NCALD: variants seen among roughly 807,000 people sequenced by gnomAD.
NCALD encodes the protein neurocalcin-delta.
A neutral mutation model predicts 18.6 loss-of-function variants in NCALD; 10 were observed. The observed-to-expected ratio is 0.54, with a 90% CI of 0.33 to 0.91. The LOEUF (loss-of-function observed/expected upper bound fraction) is 0.91. Ranked by LOEUF, NCALD falls within the 40% of genes least tolerant of loss-of-function variation. The pLI is 0.03. For missense variants in NCALD, 184 were observed against 247.6 expected (o/e 0.74, Z 1.72); for synonymous variants, 88 against 87.4 (o/e 1.01, Z -0.04).
In NCALD at chr8:102,014,424, T is replaced by A. The variant is rs562090322; in HGVS notation, c.-157+5813A>T. Among the ~76,000 whole-genome samples the A allele has an allele frequency of 3.9e-5, 6 of 152,232 alleles. No homozygotes were observed. In the South Asian group the frequency reaches 1.0e-3, roughly 26 times the overall value. On this transcript the variant is annotated intron_variant, in intron 2 of 6. Coordinates refer to the NCALD transcript ENST00000311028. Reference sequence around the variant, plus strand: ...GCTCTCCCTCTTAAAACCATCTCTTTGGGGGTTGGGTTTCAACATATGAAT... The same window carrying A: ...GCTCTCCCTCTTAAAACCATCTCTTAGGGGGTTGGGTTTCAACATATGAAT...
intron 1 of NCALD, among the ~76,000 whole-genome samples, chr8:101,752,918 C>T (rs1423023285): frequency 2.0e-5 from 3 of 148,744 alleles, no homozygotes; most frequent in Non-Finnish European, 2.9e-5. Flanking sequence ...AAATATTTTA[C>T]GATCCTCTTT....
intron 2 of NCALD, among the ~76,000 whole-genome samples, chr8:101,980,716 C>A (rs947931161): frequency 6.6e-6 from 1 of 152,146 alleles, no homozygotes; most frequent in African/African-American, 2.4e-5. Flanking sequence ...CACCTGAAGA[C>A]TAAACAAAAG....
chr8:101,730,880 T>C (rs1012659767), intron 1 of NCALD, among the ~76,000 whole-genome samples: 1 of 152,194 alleles, frequency 6.6e-6, no homozygotes, highest in Non-Finnish European at 1.5e-5. Flanking sequence ...CCTGTTTTAA[T>C]GGTGCTTATG....
intron 4 of NCALD, among the ~76,000 whole-genome samples, chr8:101,828,927 A>G (rs1358420699): frequency 1.9e-5 from 2 of 104,010 alleles, no homozygotes; most frequent in East Asian, 3.1e-4. Context: ...ATGGGTGGGT[A>G]GGTGGGTGGG....
chr8:101,713,496 T>A (rs1411265348), intron 2 of NCALD, among the ~76,000 whole-genome samples: 1 of 151,438 alleles, frequency 6.6e-6, no homozygotes, highest in East Asian at 1.9e-4. Context: ...AGGAACTGTT[T>A]TTTTTTGAAA....
intron 3 of NCALD, among the ~76,000 whole-genome samples, chr8:101,901,793 C>T (rs199822935): frequency 7.0e-6 from 1 of 142,838 alleles, no homozygotes; most frequent in Non-Finnish European, 1.5e-5. Context: ...TTACTCTTTT[C>T]TCTTCTTTTT....
At chr8:101,692,664 C>T in intron 3 of NCALD, 127 bp downstream of exon 3, 2 of 1,380,066 alleles carry the variant, frequency 1.4e-6, no homozygotes, top group Non-Finnish European at 1.9e-6. Flanking sequence ...CCCCTCCTAC[C>T]CACCCAGGAG....
intron 1 of NCALD, among the ~76,000 whole-genome samples, chr8:101,760,056 T>C (rs988637595): frequency 2.0e-5 from 3 of 152,152 alleles, no homozygotes; most frequent in East Asian, 1.9e-4. Context: ...AGGTTATGGC[T>C]CCAGTCCCAT....
intron 1 of NCALD, among the ~76,000 whole-genome samples, chr8:101,725,117 C>T (rs1399196314): frequency 6.6e-6 from 1 of 152,114 alleles, no homozygotes. Flanking sequence ...AAAGGCCCCA[C>T]CCTCAAGCCT....
intron 1 of NCALD, among the ~76,000 whole-genome samples, chr8:102,056,257 T>G (rs541075092): frequency 7.9e-5 from 12 of 152,302 alleles, no homozygotes; most frequent in Non-Finnish European, 1.2e-4. Flanking sequence ...TGTTTTTGCT[T>G]GTTTATGTGT....
At chr8:101,810,001 T>C (rs554071472) in intron 4 of NCALD, among the ~76,000 whole-genome samples, 2 of 152,194 alleles carry the variant, frequency 1.3e-5, no homozygotes, top group Non-Finnish European at 2.9e-5. Context: ...AGCAGAGTGA[T>C]AAATGTAGAT....
At chr8:102,120,088 A>C (rs1204808095) in intron 1 of NCALD, among the ~76,000 whole-genome samples, 2 of 152,228 alleles carry the variant, frequency 1.3e-5, no homozygotes, top group African/African-American at 4.8e-5. Flanking sequence ...TGTGGATTTC[A>C]GATGAGAACT....
chr8:102,010,985 A>G (rs1318739410), intron 2 of NCALD, among the ~76,000 whole-genome samples: 3 of 152,208 alleles, frequency 2.0e-5, no homozygotes, highest in Non-Finnish European at 4.4e-5. Context: ...TTCTTCAGGG[A>G]AGGATACACA....
intron 1 of NCALD, among the ~76,000 whole-genome samples, chr8:102,100,511 C>G (rs1245759166): frequency 6.6e-6 from 1 of 151,988 alleles, no homozygotes; most frequent in African/African-American, 2.4e-5. Flanking sequence ...CTGAGAGAAA[C>G]AAAAGCTGGA....
intron 4 of NCALD, among the ~76,000 whole-genome samples, chr8:101,844,526 A>AT (rs969633313): frequency 1.2e-4 from 18 of 151,492 alleles, no homozygotes; most frequent in African/African-American, 3.6e-4. Context: ...TGCCCAACTA[A>AT]TTTTTTTTAT....
chr8:102,024,646 G>A (rs1822391399), intron 1 of NCALD, among the ~76,000 whole-genome samples: 1 of 152,112 alleles, frequency 6.6e-6, no homozygotes, highest in African/African-American at 2.4e-5. Flanking sequence ...TGTAGATAGT[G>A]CCTACTGAGG....
At chr8:102,016,689 C>A (rs992691732) in intron 2 of NCALD, among the ~76,000 whole-genome samples, 2 of 152,124 alleles carry the variant, frequency 1.3e-5, no homozygotes, top group Admixed American at 6.6e-5. Context: ...TTGACTCAAC[C>A]CTTCATATCA....
chr8:101,828,476 T>C (rs1022520154), intron 4 of NCALD, among the ~76,000 whole-genome samples: 2 of 152,162 alleles, frequency 1.3e-5, no homozygotes, highest in African/African-American at 4.8e-5. Flanking sequence ...CTCACCTATT[T>C]GGGGTCTGTA....
intron 1 of NCALD, among the ~76,000 whole-genome samples, chr8:101,764,637 G>C (rs1466981065): frequency 6.6e-6 from 1 of 152,178 alleles, no homozygotes; most frequent in East Asian, 1.9e-4. Context: ...GAGGTCAAGA[G>C]AAAGTGTTAT....
Sources: allele counts gnomAD v4.1 joint callset (sites outside exome capture counted in the v4.1 genomes callset), GRCh38; gene constraint gnomAD v4.1.1; transcripts MANE v1.5; gene names NCBI Gene and HGNC (gene_info 2026-07-23, HGNC 2026-07-21).